Variants in SORCS2 observed in about 807,000 individuals in gnomAD.
SORCS2 encodes the protein sortilin related VPS10 domain containing receptor 2, also known as VPS10 domain-containing receptor SorCS2.
Under a neutral mutation model 141.6 loss-of-function variants are expected in SORCS2, and 100 were observed. The observed-to-expected ratio is 0.71, with a 90% CI of 0.60 to 0.83. The LOEUF is 0.83. SORCS2 is among the 40% of genes least tolerant of loss of function. SORCS2 has a pLI of 0.00. For synonymous variants in SORCS2, 789 were observed against 676.9 expected (o/e 1.17, Z -2.57); for missense variants, 1,646 against 1,560.2 (o/e 1.05, Z -0.93).
At chr4:7,450,876 G>A (rs548738992) in intron 2 of SORCS2, among the ~76,000 whole-genome samples, 4 of 152,294 alleles carry the variant, frequency 2.6e-5, no homozygotes, top group African/African-American at 7.2e-5. Context: ...GAACGCATGA[G>A]TGACTGAGTG....
intron 1 of SORCS2, among the ~76,000 whole-genome samples, chr4:7,257,971 C>G (rs571512491): frequency 1.4e-4 from 22 of 152,232 alleles, no homozygotes; most frequent in Admixed American, 7.2e-4. Context: ...GCTCCACTGG[C>G]CAGCCCTGGC....
chr4:7,523,632 G>A (rs892051359), intron 2 of SORCS2, among the ~76,000 whole-genome samples: 2 of 152,106 alleles, frequency 1.3e-5, no homozygotes, highest in Admixed American at 1.3e-4. Context: ...ATGAGCCGGG[G>A]CAGCAACTGA....
At chr4:7,323,928 A>T (rs947746794) in intron 1 of SORCS2, among the ~76,000 whole-genome samples, 4 of 151,680 alleles carry the variant, frequency 2.6e-5, no homozygotes, top group Non-Finnish European at 5.9e-5. Flanking sequence ...CACACATCTC[A>T]TGGGAGGGGA....
chr4:7,666,271 G>T (rs758001619), intron 7 of SORCS2, among the ~76,000 whole-genome samples: 1 of 152,138 alleles, frequency 6.6e-6, no homozygotes, highest in Non-Finnish European at 1.5e-5. Flanking sequence ...GGGTGGTCTC[G>T]TTCTGCACAA....
At chr4:7,236,945 C>T (rs926936723) in intron 1 of SORCS2, among the ~76,000 whole-genome samples, 2 of 152,206 alleles carry the variant, frequency 1.3e-5, no homozygotes, top group Non-Finnish European at 2.9e-5. Context: ...CAGATGGAGA[C>T]CTGGCCTTGG....
chr4:7,375,222 C>G (rs1722560844), intron 1 of SORCS2, among the ~76,000 whole-genome samples: 1 of 152,204 alleles, frequency 6.6e-6, no homozygotes, highest in African/African-American at 2.4e-5. Context: ...GACAGAACCT[C>G]TGTGTCCTTT....
intron 10 of SORCS2, among the ~76,000 whole-genome samples, chr4:7,683,527 G>A (rs1723693824): frequency 1.3e-5 from 2 of 152,252 alleles, no homozygotes; most frequent in African/African-American, 2.4e-5. Context: ...TTCTCATGGT[G>A]ATACCAGAAG....
chr4:7,711,234 G>A (rs532395091), intron 14 of SORCS2, among the ~76,000 whole-genome samples: 14 of 152,334 alleles, frequency 9.2e-5, no homozygotes, highest in East Asian at 5.8e-4. Flanking sequence ...AGCATGGACC[G>A]CCGCAGGCTT....
intron 1 of SORCS2, among the ~76,000 whole-genome samples, chr4:7,314,486 C>T (rs1718427254): frequency 6.6e-6 from 1 of 151,974 alleles, no homozygotes; most frequent in Non-Finnish European, 1.5e-5. Context: ...ACTACAGGCG[C>T]CCGCCACCAC....
chr4:7,697,117 G>C, intron 11 of SORCS2, 81 bp from the exon 12 acceptor site: 2 of 1,264,982 alleles, frequency 1.6e-6, no homozygotes, highest in South Asian at 1.3e-5. Flanking sequence ...CGTTGCTTGA[G>C]GTTTTTCCAT....
At chr4:7,736,255 C>G (rs1279748750) in intron 25 of SORCS2, among the ~76,000 whole-genome samples, 1 of 152,272 alleles carries the variant, frequency 6.6e-6, no homozygotes, top group African/African-American at 2.4e-5. Context: ...AGGCTCTAGA[C>G]TGAGGCAGCA....
At chr4:7,346,697 A>T (rs1720670005) in intron 1 of SORCS2, among the ~76,000 whole-genome samples, 1 of 152,194 alleles carries the variant, frequency 6.6e-6, no homozygotes, top group Non-Finnish European at 1.5e-5. Flanking sequence ...GTTTTGCTTC[A>T]TGTACTTTAG....
intron 4 of SORCS2, among the ~76,000 whole-genome samples, chr4:7,641,057 G>C (rs1169500556): frequency 1.3e-5 from 2 of 152,178 alleles, no homozygotes; most frequent in Non-Finnish European, 2.9e-5. Flanking sequence ...GCAAACACAA[G>C]CTGCCCAAAT....
In SORCS2 at chr4:7,733,332, C is replaced by A; in HGVS notation, c.3119C>A (p.Ala1040Asp). The change falls in exon 24 of 27, where the codon GCC (alanine) becomes GAC (aspartate). Residue 1040 changes from alanine (A) to aspartate (D), a missense_variant. Coordinates refer to ENST00000507866, the MANE Select transcript of SORCS2 (RefSeq NM_020777.3). ...RSLSSDKRLA[A>D]IQQVLNAQKI... is the part of the protein sequence containing the mutation. ...CCTCTGTGCTTGCAGAGGCTCGCCG[C>A]CATCCAGCAGGTGCTGAACGCACAG... 2 of 1,555,340 alleles carry A rather than the reference C, an allele frequency of 1.3e-6. No homozygotes were observed. The highest frequency in any genetic ancestry group is 1.2e-5 in the South Asian group (1 of 83,616).
chr4:7,509,198 G>A lies in SORCS2; in HGVS notation c.549-22332G>A, dbSNP rs956592806. Among the ~76,000 whole-genome samples, 5 of 152,136 alleles carry A rather than the reference G, an allele frequency of 3.3e-5. No individual in the cohort carries two copies. In the East Asian group the frequency reaches 7.7e-4, roughly 23 times the overall value. On this transcript the variant is annotated intron_variant, in intron 2 of 26. Coordinates refer to ENST00000507866, the MANE Select transcript of SORCS2 (RefSeq NM_020777.3). ...GCCCACATTAGAGCTGGGAGCATTCGCTGCCCCCCCAGAGCAAGGGGACAA... is the reference window on the plus strand; with the variant it reads ...GCCCACATTAGAGCTGGGAGCATTCACTGCCCCCCCAGAGCAAGGGGACAA...
chr4:7,552,031 T>C (rs1240876865), intron 3 of SORCS2, among the ~76,000 whole-genome samples: 4 of 152,234 alleles, frequency 2.6e-5, no homozygotes, highest in Non-Finnish European at 5.9e-5. Context: ...AATAGATGCC[T>C]AAGGATGCTG....
At chr4:7,670,766 AATGTGCGTGTGTCCCTAG>A (rs1431454205) in intron 8 of SORCS2, among the ~76,000 whole-genome samples, 2 of 152,012 alleles carry the variant, frequency 1.3e-5, no homozygotes, top group African/African-American at 4.8e-5. Flanking sequence ...ATGGCAGGCA[AATGTGCGTGTGTCCCTAG>A]AGCAGCGTGC....
intron 3 of SORCS2, among the ~76,000 whole-genome samples, chr4:7,542,482 A>C (rs1179607592): frequency 1.3e-5 from 2 of 152,196 alleles, no homozygotes; most frequent in Non-Finnish European, 2.9e-5. Context: ...GAGGGCCAGG[A>C]TGACAGAGGC....
chr4:7,716,303 T>C (rs1726182488), intron 17 of SORCS2, among the ~76,000 whole-genome samples: 1 of 152,224 alleles, frequency 6.6e-6, no homozygotes, highest in Admixed American at 6.5e-5. Flanking sequence ...CTCACCAGCA[T>C]GTCTCCTGCC....
Sources: gnomAD v4.1 joint callset for allele counts (sites outside exome capture counted in the v4.1 genomes callset) on GRCh38, gnomAD v4.1.1 for gene constraint, MANE v1.5 for transcripts, NCBI Gene and HGNC (gene_info 2026-07-23, HGNC 2026-07-21) for gene names.